The following ELAPOR2 variants were observed in gnomAD, a reference collection of about 807,000 sequenced individuals.
The protein encoded by ELAPOR2 is endosome-lysosome associated apoptosis and autophagy regulator family member 2.
ELAPOR2 carries 89 observed loss-of-function variants against 120.7 expected under a neutral mutation model. The ratio of observed to expected loss-of-function variants is 0.74; its 90% CI spans 0.62 to 0.88. The LOEUF (loss-of-function observed/expected upper bound fraction) is 0.88, where lower values mean the gene tolerates loss of function less well. Among genes scored for constraint, ELAPOR2 ranks in the 40% least tolerant of loss-of-function variants. The pLI is 0.00. For synonymous variants in ELAPOR2, 444 were observed against 444.9 expected, an observed-to-expected ratio of 1.00 and a Z score of 0.03; for missense variants, 1,134 against 1,251.6, an observed-to-expected ratio of 0.91 and a Z score of 1.42.
chr7:87,058,778 A>G (rs1304513573), intron 1 of ELAPOR2, among the ~76,000 whole-genome samples: 1 of 151,854 alleles, frequency 6.6e-6, no homozygotes, highest in African/African-American at 2.4e-5. Context: ...TCAAATCCAC[A>G]TTTTGTCAGA....
chr7:86,941,290 C>A, intron 5 of ELAPOR2: 1 of 527,444 alleles, frequency 1.9e-6, no homozygotes, highest in South Asian at 1.4e-5. Context: ...ATATTAAATC[C>A]ATGTCTCTCT....
intron 2 of ELAPOR2, among the ~76,000 whole-genome samples, chr7:86,949,577 G>C (rs1791152059): frequency 6.6e-6 from 1 of 152,164 alleles, no homozygotes; most frequent in South Asian, 2.1e-4. Context: ...CCATGGCTGT[G>C]GACCAGGGCA....
intron 21 of ELAPOR2, among the ~76,000 whole-genome samples, chr7:86,890,714 A>G (rs1429674298): frequency 1.3e-5 from 2 of 151,998 alleles, no homozygotes; most frequent in Non-Finnish European, 2.9e-5. Flanking sequence ...CTTAATAATC[A>G]CTATTTTTTT....
chr7:86,953,156 A>G (rs986208282), intron 2 of ELAPOR2, among the ~76,000 whole-genome samples: 1 of 148,086 alleles, frequency 6.8e-6, no homozygotes, highest in Non-Finnish European at 1.5e-5. Flanking sequence ...TGGGACACAC[A>G]TCTCTATAAG....
At chr7:87,006,561 C>G (rs1793484166) in intron 1 of ELAPOR2, among the ~76,000 whole-genome samples, 1 of 152,032 alleles carries the variant, frequency 6.6e-6, no homozygotes, top group Non-Finnish European at 1.5e-5. Flanking sequence ...ACTGAAAACT[C>G]AGGATGTGGA....
chr7:86,960,438 A>C (rs1791658814), intron 2 of ELAPOR2, among the ~76,000 whole-genome samples: 1 of 152,006 alleles, frequency 6.6e-6, no homozygotes, highest in South Asian at 2.1e-4. Context: ...TTTTTAGTAG[A>C]GACGGGGTTT....
At chr7:86,986,725 T>C (rs1399381583) in intron 1 of ELAPOR2, among the ~76,000 whole-genome samples, 1 of 151,886 alleles carries the variant, frequency 6.6e-6, no homozygotes, top group Admixed American at 6.6e-5. Context: ...GAACATTCCA[T>C]GCTCATGGAT....
intron 18 of ELAPOR2, among the ~76,000 whole-genome samples, chr7:86,901,014 A>C (rs181463971): frequency 1.3e-5 from 2 of 152,340 alleles, no homozygotes; most frequent in Non-Finnish European, 2.9e-5. Context: ...ATGCAGAGGT[A>C]TCACAAATCA....
Position 86,918,495 on chromosome 7 carries a change from T to A in ELAPOR2, c.1540A>T (p.Thr514Ser). 1 of 1,613,472 alleles carries A rather than the reference T, an allele frequency of 6.2e-7. No individual in the cohort carries two copies. The highest frequency in any genetic ancestry group is 8.5e-7 in the Non-Finnish European group (1 of 1,179,568). Residue 514 changes from threonine (T) to serine (S), a missense_variant, in exon 12 of 22, where the codon ACA (threonine) becomes TCA (serine). Physicochemically the swap from Thr to Ser is moderately conservative, Grantham distance 58. Around this residue, in one of 3 missense-constraint regions of ELAPOR2, gnomAD observed 831 missense variants for 867.6 expected, o/e 0.96. Coordinates refer to ENST00000450689, the MANE Select transcript of ELAPOR2 (RefSeq NM_001142749.3). ...GAACAGAGGGTCTCAAAGACAAATG[T>A]TATTCTTCCTAGTTCAGAACCCGTG... ...GATGSELGRI[T>S]FVFETLCSAD...
At chr7:86,891,583 T>G in intron 21 of ELAPOR2, 141 bp downstream of exon 21, 1 of 628,816 alleles carries the variant, frequency 1.6e-6, no homozygotes, top group Non-Finnish European at 2.7e-6. Context: ...TATCATGTGC[T>G]TCTAAGAGTA....
chr7:86,905,202 G>A (rs368385403), intron 18 of ELAPOR2, among the ~76,000 whole-genome samples: 3 of 149,546 alleles, frequency 2.0e-5, no homozygotes, highest in African/African-American at 7.4e-5. Flanking sequence ...GAGAGAGAGA[G>A]AGAAAGAGAG....
chr7:86,887,073 T>C (rs558643875), intron 21 of ELAPOR2, among the ~76,000 whole-genome samples: 35 of 152,310 alleles, frequency 2.3e-4, no homozygotes, highest in Middle Eastern at 3.4e-3. Context: ...GCTGGCTGTT[T>C]TGTCTGCCAC....
intron 1 of ELAPOR2, among the ~76,000 whole-genome samples, chr7:87,015,403 T>C (rs116943350): frequency 0.028 from 4,301 of 152,312 alleles, 76 homozygotes; most frequent in South Asian, 0.045. Context: ...GCCTAAAATT[T>C]ATTCAGCAAA....
intron 3 of ELAPOR2, among the ~76,000 whole-genome samples, chr7:86,947,379 T>C (rs747892167): frequency 2.0e-5 from 3 of 152,198 alleles, no homozygotes; most frequent in Non-Finnish European, 4.4e-5. Flanking sequence ...TTATGAATTC[T>C]TCCTGTCAGA....
At chr7:87,024,158 G>A (rs542972293) in intron 1 of ELAPOR2, among the ~76,000 whole-genome samples, 2 of 152,280 alleles carry the variant, frequency 1.3e-5, no homozygotes, top group South Asian at 4.1e-4. Context: ...CAAAGGGAAT[G>A]CTTCCAGTTT....
chr7:87,025,207 G>A (rs1794204712), intron 1 of ELAPOR2, among the ~76,000 whole-genome samples: 1 of 152,020 alleles, frequency 6.6e-6, no homozygotes, highest in African/African-American at 2.4e-5. Context: ...TCATCTGTTG[G>A]CAGATTCACC....
At chr7:86,927,865 TA>T (rs1790146667) in intron 8 of ELAPOR2, among the ~76,000 whole-genome samples, 1 of 152,036 alleles carries the variant, frequency 6.6e-6, no homozygotes, top group Non-Finnish European at 1.5e-5. Context: ...TATAATCTGC[TA>T]AAAGTATTTT....
chr7:86,884,280 G>T (rs138755269), intron 21 of ELAPOR2, among the ~76,000 whole-genome samples: 7 of 152,252 alleles, frequency 4.6e-5, no homozygotes, highest in African/African-American at 1.7e-4. Flanking sequence ...AGAATTCACA[G>T]TTCACCTGCC....
At chr7:86,913,428 T>C (rs1789417346) in intron 13 of ELAPOR2, among the ~76,000 whole-genome samples, 1 of 152,212 alleles carries the variant, frequency 6.6e-6, no homozygotes. Context: ...CCAGGAGTTT[T>C]GCCACAATTA....
Sources: allele counts gnomAD v4.1 joint callset (sites outside exome capture counted in the v4.1 genomes callset), GRCh38; gene constraint gnomAD v4.1.1; regional missense constraint gnomAD v4.1.1; transcripts MANE v1.5; gene names NCBI Gene and HGNC (gene_info 2026-07-23, HGNC 2026-07-21).